GALNT13: variants seen among roughly 807,000 people sequenced by gnomAD.
The protein encoded by GALNT13 is UDP-GalNAc:polypeptide N-acetylgalactosaminyltransferase 13.
In GALNT13, 28 loss-of-function variants were observed where a neutral mutation model predicts 64.2. The observed-to-expected ratio is 0.44, with a 90% CI of 0.32 to 0.60. The LOEUF (loss-of-function observed/expected upper bound fraction) is 0.60. Ranked by LOEUF, GALNT13 falls within the 20% of genes least tolerant of loss-of-function variation. The pLI is 0.05. For missense variants in GALNT13, 577 were observed against 669.8 expected, an observed-to-expected ratio of 0.86 and a Z score of 1.53; for synonymous variants, 214 against 224.6, an observed-to-expected ratio of 0.95 and a Z score of 0.42.
At chr2:154,038,253 C>T (rs759062533) in intron 3 of GALNT13, among the ~76,000 whole-genome samples, 3 of 152,108 alleles carry the variant, frequency 2.0e-5, no homozygotes, top group Non-Finnish European at 4.4e-5. Flanking sequence ...TGACATTTTT[C>T]ACAGAATTAG....
intron 3 of GALNT13, among the ~76,000 whole-genome samples, chr2:154,076,720 A>C (rs893248860): frequency 4.6e-5 from 7 of 151,734 alleles, no homozygotes; most frequent in Non-Finnish European, 1.0e-4. Context: ...TGTCCCAATT[A>C]AACCAAGATG....
chr2:154,127,044 T>C (rs1486991477), intron 3 of GALNT13, among the ~76,000 whole-genome samples: 1 of 152,204 alleles, frequency 6.6e-6, no homozygotes, highest in Non-Finnish European at 1.5e-5. Context: ...TAAAAGATAA[T>C]TTTTAATTAC....
At chr2:154,167,275 C>CA (rs1231573778) in intron 4 of GALNT13, among the ~76,000 whole-genome samples, 1 of 152,056 alleles carries the variant, frequency 6.6e-6, no homozygotes, top group African/African-American at 2.4e-5. Flanking sequence ...TGTAGTTGAG[C>CA]AAAAGTGAAA....
At chr2:153,518,880 A>C in the GALNT13 span, among the ~76,000 whole-genome samples, 2 of 152,178 alleles carry the variant, frequency 1.3e-5, no homozygotes, top group East Asian at 3.9e-4. Flanking sequence ...CCTTGCATTG[A>C]CTCAGCACAA....
chr2:153,739,557 TTTA>T, the GALNT13 span, among the ~76,000 whole-genome samples: 3 of 72,320 alleles, frequency 4.1e-5, no homozygotes, highest in African/African-American at 1.2e-4. Context: ...TTTTTATTTA[TTTA>T]TTATTTTATT....
chr2:153,094,311 A>G, the GALNT13 span, among the ~76,000 whole-genome samples: 1 of 152,040 alleles, frequency 6.6e-6, no homozygotes, highest in African/African-American at 2.4e-5. Context: ...ATGTTTTGGT[A>G]TGTTGTGTTT....
At chr2:154,382,701 G>C (rs528236734) in intron 9 of GALNT13, among the ~76,000 whole-genome samples, 1 of 152,028 alleles carries the variant, frequency 6.6e-6, no homozygotes, top group Non-Finnish European at 1.5e-5. Context: ...GTTTAGGACA[G>C]AAGGGGAAAA....
the GALNT13 span, among the ~76,000 whole-genome samples, chr2:153,308,934 T>A: frequency 1.3e-5 from 2 of 152,088 alleles, no homozygotes; most frequent in African/African-American, 4.8e-5. Context: ...AAAATTTTTT[T>A]TAGATTAGAT....
chr2:153,294,355 G>A, the GALNT13 span, among the ~76,000 whole-genome samples: 1 of 152,136 alleles, frequency 6.6e-6, no homozygotes, highest in African/African-American at 2.4e-5. Context: ...AGATTTGCAT[G>A]AAAATTTCTT....
the GALNT13 span, among the ~76,000 whole-genome samples, chr2:153,411,179 AT>A: frequency 0.018 from 2,285 of 128,270 alleles, 37 homozygotes; most frequent in African/African-American, 0.032. Context: ...ATATATATAT[AT>A]TTTTTTTTTT....
intron 9 of GALNT13, among the ~76,000 whole-genome samples, chr2:154,350,110 ATTTG>A (rs1696308701): frequency 6.6e-6 from 1 of 152,238 alleles, no homozygotes; most frequent in African/African-American, 2.4e-5. Flanking sequence ...TAGTTTATTC[ATTTG>A]TGCATTCAAC....
At chr2:154,078,400 G>A (rs1701099796) in intron 3 of GALNT13, among the ~76,000 whole-genome samples, 1 of 151,376 alleles carries the variant, frequency 6.6e-6, no homozygotes, top group East Asian at 1.9e-4. Context: ...TAAAGGATTT[G>A]TCTCAAACAG....
intron 8 of GALNT13, among the ~76,000 whole-genome samples, chr2:154,277,935 C>CCTGCATGTGATAATATATTT (rs1434440499): frequency 2.0e-5 from 3 of 152,158 alleles, no homozygotes; most frequent in Non-Finnish European, 2.9e-5. Context: ...CCATGATACA[C>CCTGCATGTGATAATATATTT]CTGCATGTGA....
At chr2:153,386,922 T>C in the GALNT13 span, among the ~76,000 whole-genome samples, 1 of 152,064 alleles carries the variant, frequency 6.6e-6, no homozygotes, top group South Asian at 2.1e-4. Flanking sequence ...ATAATAATAA[T>C]GTCAAGTAAC....
At chr2:153,637,185 A>C in the GALNT13 span, among the ~76,000 whole-genome samples, 1 of 152,104 alleles carries the variant, frequency 6.6e-6, no homozygotes. Flanking sequence ...CCAAATTGCT[A>C]ATCTCTAAAA....
the GALNT13 span, among the ~76,000 whole-genome samples, chr2:153,243,610 TATA>T: frequency 6.6e-6 from 1 of 152,246 alleles, no homozygotes; most frequent in African/African-American, 2.4e-5. Flanking sequence ...GCAAGTAGAC[TATA>T]AGAAGGCATG....
At chr2:153,738,263 T>G in the GALNT13 span, among the ~76,000 whole-genome samples, 3 of 151,984 alleles carry the variant, frequency 2.0e-5, no homozygotes, top group African/African-American at 7.2e-5. Flanking sequence ...ACTAGCTCTT[T>G]CTTTCTATTT....
intron 4 of GALNT13, among the ~76,000 whole-genome samples, chr2:154,157,229 AT>A (rs1684474174): frequency 6.6e-6 from 1 of 151,966 alleles, no homozygotes. Context: ...CCATCTACCC[AT>A]TTACTTGAAT....
intron 3 of GALNT13, among the ~76,000 whole-genome samples, chr2:154,090,193 A>T (rs1442751255): frequency 6.6e-6 from 1 of 152,122 alleles, no homozygotes; most frequent in Admixed American, 6.6e-5. Context: ...CTTTGAAGAA[A>T]TCAAAATATG....
Sources: gnomAD v4.1 joint callset for allele counts (sites outside exome capture counted in the v4.1 genomes callset) on GRCh38, gnomAD v4.1.1 for gene constraint, MANE v1.5 for transcripts, NCBI Gene and HGNC (gene_info 2026-07-23, HGNC 2026-07-21) for gene names.